The following KIRREL3 variants were observed in gnomAD, a reference collection of about 807,000 sequenced individuals.
KIRREL3 encodes the protein kirre like nephrin family adhesion molecule 3.
KIRREL3 carries 36 observed loss-of-function variants against 89.7 expected under a neutral mutation model. The observed-to-expected ratio is 0.40, with a 90% CI of 0.31 to 0.53. The LOEUF (loss-of-function observed/expected upper bound fraction) is 0.53, where lower values mean the gene tolerates loss of function less well. Among genes scored for constraint, KIRREL3 ranks in the 20% least tolerant of loss-of-function variants. KIRREL3 has a pLI of 0.49. For missense variants in KIRREL3, 864 were observed against 1,056.6 expected (o/e 0.82, Z 2.53); for synonymous variants, 445 against 441.4 (o/e 1.01, Z -0.10).
rs745805898 is a variant in KIRREL3 at position 126,456,039 on chromosome 11, G to GTTTTTTTTTTTTTTTT, written c.848+294_848+309dup. Among the ~76,000 whole-genome samples, 8 of 68,310 alleles carry GTTTTTTTTTTTTTTTT rather than the reference G, an allele frequency of 1.2e-4. 1 individual carries two copies. The highest frequency in any genetic ancestry group is 3.7e-4 in the African/African-American group (6 of 16,326). 44.8% of individuals were successfully genotyped at this position (68,310 alleles called of 152,430 possible). A position where few individuals can be genotyped will look rare whatever the true frequency, so the allele number is the denominator to read the frequency against. Reference sequence around the variant, plus strand: ...GTTGTTCTGGTTTTTTTTTGTTTTCGTTTTTTTTTTTTTTTTTTCCTGAGC... The same window carrying GTTTTTTTTTTTTTTTT: ...GTTGTTCTGGTTTTTTTTTGTTTTCGTTTTTTTTTTTTTTTTTTTTTTTTTTTTTTTTTTCCTGAGC... On this transcript the variant is annotated intron_variant, in intron 7 of 16. Coordinates refer to ENST00000525144, the MANE Select transcript of KIRREL3 (RefSeq NM_032531.4).
At chr11:126,599,934 G>A (rs1942577279) in intron 1 of KIRREL3, among the ~76,000 whole-genome samples, 1 of 152,204 alleles carries the variant, frequency 6.6e-6, no homozygotes, top group Non-Finnish European at 1.5e-5. Context: ...TCAGACCCCT[G>A]TGTGCTCCCT....
chr11:126,485,046 C>T lies in KIRREL3; in HGVS notation c.434-11580G>A, dbSNP rs573346042. On this transcript the variant is annotated intron_variant, in intron 4 of 16. Transcript: ENST00000525144. This position sits in a 1 kb window ranked among gnomAD's most constrained non-coding sequence, Gnocchi z 5.8. ...TGTTGGCCAGGCTGGTCTCAAACGC[C>T]TGACCTCAGGTGATCCGCCCACCTT... Among the ~76,000 whole-genome samples the T allele has an allele frequency of 7.4e-4, 113 of 152,204 alleles. 1 individual carries two copies. In the Middle Eastern group the frequency reaches 0.02, roughly 27 times the overall value.
intron 1 of KIRREL3, among the ~76,000 whole-genome samples, chr11:126,820,313 A>T (rs1469715320): frequency 2.7e-4 from 2 of 7,292 alleles, no homozygotes; most frequent in Non-Finnish European, 4.5e-4. Context: ...GCAAGCCTTT[A>T]AAAAAAAAGT....
intron 1 of KIRREL3, among the ~76,000 whole-genome samples, chr11:126,680,665 C>T (rs1453868981): frequency 6.7e-6 from 1 of 149,798 alleles, no homozygotes; most frequent in Non-Finnish European, 1.5e-5. Context: ...TAATGCTTTT[C>T]AAAGTTTTTT....
chr11:126,654,371 A>G (rs534860333), intron 1 of KIRREL3, among the ~76,000 whole-genome samples: 1 of 149,482 alleles, frequency 6.7e-6, no homozygotes, highest in African/African-American at 2.5e-5. Context: ...GCATATTGCA[A>G]TGCAACAGTG....
At position 126,686,657 on chromosome 11, in the gene KIRREL3, G is replaced by A. The variant is rs913250412; in HGVS notation, c.56-123745C>T. 2.6e-5 allele frequency among the ~76,000 whole-genome samples: 4 copies of A among 152,162 alleles called. No individual in the cohort carries two copies. The highest frequency in any genetic ancestry group is 6.5e-5 in the Admixed American group (1 of 15,282). ...TGCAGTGGCGTGATCTTGGCTCACT[G>A]CAACCTCGGCCTCTCCAGTTCAAGC... is the stretch of plus-strand genomic sequence containing the variant. On this transcript the variant is annotated intron_variant, in intron 1 of 16. Coordinates refer to ENST00000525144, the MANE Select transcript of KIRREL3 (RefSeq NM_032531.4). This position sits in a 1 kb window ranked among gnomAD's most constrained non-coding sequence, Gnocchi z 4.7.
At chr11:126,456,324 G>T in intron 7 of KIRREL3, 25 bp downstream of exon 7, 5 of 1,501,820 alleles carry the variant, frequency 3.3e-6, no homozygotes, top group Non-Finnish European at 4.5e-6. Flanking sequence ...TGGCCAGGCC[G>T]GGCCCCCTCA....
rs915623168 is a variant in KIRREL3, at chr11:126,999,425, T to C, written c.55+1030A>G. On this transcript the variant is annotated intron_variant, in intron 1 of 16. Transcript: ENST00000525144. This position sits in a 1 kb window ranked among gnomAD's most constrained non-coding sequence, Gnocchi z 5.7. ...CAAAGCCAGCCACCCATGGCAGTGCTTTGCTTTCTCGAAAACTTTTACCCT... is the reference window on the plus strand; with the variant it reads ...CAAAGCCAGCCACCCATGGCAGTGCCTTGCTTTCTCGAAAACTTTTACCCT... Among the ~76,000 whole-genome samples, 3 of 152,242 alleles carry C rather than the reference T, an allele frequency of 2.0e-5. No homozygotes were observed. Among genetic ancestry groups the C allele is most frequent in the Non-Finnish European group, 4.4e-5 (3 of 68,046 alleles).
Position 126,495,829 on chromosome 11 carries a change from A to G in KIRREL3, c.434-22363T>C, listed in dbSNP as rs1957641805. Among the ~76,000 whole-genome samples the G allele has an allele frequency of 6.6e-6, 1 of 152,226 alleles. No individual in the cohort carries two copies. The highest frequency in any genetic ancestry group is 2.4e-5 in the African/African-American group (1 of 41,454). On this transcript the variant is annotated intron_variant, in intron 4 of 16. Coordinates refer to ENST00000525144, the MANE Select transcript of KIRREL3 (RefSeq NM_032531.4). This position sits in a 1 kb window ranked among gnomAD's most constrained non-coding sequence, Gnocchi z 6.5. ...CACTGGGACTCTAGTCCTGACACTC[A>G]GCAAATGGCAACTGCATGCTACCAG...
At chr11:126,657,053 C>T (rs1232954520) in intron 1 of KIRREL3, among the ~76,000 whole-genome samples, 4 of 149,452 alleles carry the variant, frequency 2.7e-5, no homozygotes, top group Non-Finnish European at 5.9e-5. Context: ...GAGACTGTGT[C>T]TCAAAAAAAA....
intron 1 of KIRREL3, among the ~76,000 whole-genome samples, chr11:126,973,665 A>G (rs1283221473): frequency 6.6e-6 from 1 of 152,236 alleles, no homozygotes; most frequent in Non-Finnish European, 1.5e-5. Context: ...ATCTTGGGCA[A>G]GCAACTCAAT....
chr11:126,514,860 AACACAACAAAACAC>A (rs1227990399), intron 4 of KIRREL3, among the ~76,000 whole-genome samples: 4,252 of 92,782 alleles, frequency 0.046, 258 homozygotes, highest in African/African-American at 0.16. Context: ...AACACAACAC[AACACAACAAAACAC>A]AATTGTCATC....
At chr11:126,468,042 G>A (rs1271059189) in intron 5 of KIRREL3, among the ~76,000 whole-genome samples, 2 of 152,112 alleles carry the variant, frequency 1.3e-5, no homozygotes, top group African/African-American at 2.4e-5. Flanking sequence ...AGGGGTAGAG[G>A]GCAAGGGGCT....
In KIRREL3 at chr11:126,968,707, C is replaced by T. The variant is rs1434971705; in HGVS notation, c.55+31748G>A. On this transcript the variant is annotated intron_variant, in intron 1 of 16. Coordinates refer to ENST00000525144, the MANE Select transcript of KIRREL3 (RefSeq NM_032531.4). ...TGGGTAAACTGCTATATTTATTTTG[C>T]CCATTTATAACACGGCAGCCCCTTT... 2.6e-5 allele frequency among the ~76,000 whole-genome samples: 4 copies of T among 152,172 alleles called. No homozygotes were observed. In the East Asian group the frequency reaches 7.7e-4, roughly 29 times the overall value.
chr11:126,862,472 G>A (rs1944735727), intron 1 of KIRREL3, among the ~76,000 whole-genome samples: 1 of 152,176 alleles, frequency 6.6e-6, no homozygotes, highest in Non-Finnish European at 1.5e-5. Flanking sequence ...TCTTCCGCTG[G>A]GTAAATCTGA....
chr11:126,616,432 G>A (rs1285704248), intron 1 of KIRREL3, among the ~76,000 whole-genome samples: 1 of 147,560 alleles, frequency 6.8e-6, no homozygotes, highest in Non-Finnish European at 1.5e-5. Context: ...TGACCCTCCT[G>A]TTAGCCTGGT....
At chr11:126,827,052 T>G (rs1340622065) in intron 1 of KIRREL3, among the ~76,000 whole-genome samples, 1 of 152,180 alleles carries the variant, frequency 6.6e-6, no homozygotes, top group Non-Finnish European at 1.5e-5. Flanking sequence ...AAGCTGCCTT[T>G]AATTTTGTCT....
intron 1 of KIRREL3, among the ~76,000 whole-genome samples, chr11:126,874,734 G>A (rs2134683667): frequency 6.6e-6 from 1 of 152,266 alleles, no homozygotes; most frequent in African/African-American, 2.4e-5. Flanking sequence ...TTTTGAGAGG[G>A]GAGGTTTTTA....
rs138849839 is a variant in KIRREL3, at chr11:126,548,362, G to A, written c.133+14473C>T. Among the ~76,000 whole-genome samples the A allele has an allele frequency of 5.6e-3, 860 of 152,234 alleles. 7 individuals carry two copies. The highest frequency in any genetic ancestry group is 0.017 in the African/African-American group (700 of 41,538). ...TCTTGAGGGCTTTCTCTTTAGTTGC[G>A]GAGGCCACTGTGCCCTCACACAGAG... On this transcript the variant is annotated intron_variant, in intron 2 of 16. Transcript: ENST00000525144.
Sources: gnomAD v4.1 joint callset for allele counts (sites outside exome capture counted in the v4.1 genomes callset) on GRCh38, gnomAD v4.1.1 for gene constraint, Gnocchi (gnomAD v3.1) non-coding constraint, MANE v1.5 for transcripts, NCBI Gene and HGNC (gene_info 2026-07-23, HGNC 2026-07-21) for gene names.